IMMP1L: variants seen among roughly 807,000 people sequenced by gnomAD.
IMMP1L encodes the protein mitochondrial inner membrane protease subunit 1.
Under a neutral mutation model 21.8 loss-of-function variants are expected in IMMP1L, and 24 were observed. The ratio of observed to expected loss-of-function variants is 1.10; its 90% CI spans 0.80 to 1.55. The LOEUF (loss-of-function observed/expected upper bound fraction) is 1.55. Among genes scored for constraint, IMMP1L ranks in the 40% most tolerant of loss-of-function variants. The pLI is 0.00. For missense variants in IMMP1L, 195 were observed against 200.7 expected, an observed-to-expected ratio of 0.97 and a Z score of 0.17; for synonymous variants, 46 against 62.8, an observed-to-expected ratio of 0.73 and a Z score of 1.26.
At chr11:31,440,173 T>C (rs1953273096) in intron 4 of IMMP1L, among the ~76,000 whole-genome samples, 2 of 152,166 alleles carry the variant, frequency 1.3e-5, no homozygotes, top group East Asian at 1.9e-4. Flanking sequence ...TGTACTGTTA[T>C]CTGAAAACTG....
chr11:31,503,340 C>T (rs548340338), intron 1 of IMMP1L, among the ~76,000 whole-genome samples: 6 of 151,562 alleles, frequency 4.0e-5, no homozygotes, highest in South Asian at 2.1e-4. Flanking sequence ...TATAAGAAGG[C>T]GGAACAAACA....
intron 4 of IMMP1L, among the ~76,000 whole-genome samples, chr11:31,455,434 G>T (rs1023468606): frequency 6.6e-6 from 1 of 152,144 alleles, no homozygotes; most frequent in African/African-American, 2.4e-5. Context: ...CCATGTGACT[G>T]GTGAAAGGAG....
At chr11:31,446,761 C>T (rs1012738708) in intron 4 of IMMP1L, among the ~76,000 whole-genome samples, 1 of 152,156 alleles carries the variant, frequency 6.6e-6, no homozygotes, top group African/African-American at 2.4e-5. Flanking sequence ...CTGGAAAAAT[C>T]CCATCTAACC....
chr11:31,504,796 T>C (rs957774365), intron 1 of IMMP1L, among the ~76,000 whole-genome samples: 24 of 152,198 alleles, frequency 1.6e-4, no homozygotes, highest in African/African-American at 5.8e-4. Flanking sequence ...TGGAATCTAA[T>C]AGTGGATCTA....
intron 1 of IMMP1L, among the ~76,000 whole-genome samples, chr11:31,472,867 T>C (rs1224765856): frequency 1.3e-5 from 2 of 151,854 alleles, no homozygotes; most frequent in Admixed American, 1.3e-4. Context: ...TTTTTATTTA[T>C]TTATTTATTT....
chr11:31,436,051 C>T (rs111372639), intron 4 of IMMP1L, among the ~76,000 whole-genome samples: 1 of 152,046 alleles, frequency 6.6e-6, no homozygotes. Flanking sequence ...AATTTAATAT[C>T]CAGTGAATAG....
chr11:31,447,360 T>C (rs1953562398), intron 4 of IMMP1L, among the ~76,000 whole-genome samples: 1 of 152,176 alleles, frequency 6.6e-6, no homozygotes, highest in South Asian at 2.1e-4. Flanking sequence ...AGAAGTCCAT[T>C]ATCGGTCTCA....
In IMMP1L at chr11:31,463,202, A is replaced by T; in HGVS notation, c.75T>A (p.Cys25Ter). ...CAACACCACCAACGTATTCAAAAGC[A>T]CAATGAGCTATACAGCCATATTGAA... ...YTIQYGCIAH[C>*]AFEYVGGVVM... The change falls in exon 2 of 6, where the codon TGT (cysteine) becomes TGA (stop). Residue 25 changes from cysteine (C) to a stop codon, truncating the protein, a stop_gained. Coordinates refer to ENST00000532287, the MANE Select transcript of IMMP1L (RefSeq NM_001304274.2). LOFTEE classifies it high-confidence loss of function. 6.2e-7 allele frequency: 1 copy of T among 1,610,802 alleles called. No homozygotes were observed. Among genetic ancestry groups the T allele is most frequent in the Non-Finnish European group, 8.5e-7 (1 of 1,178,562 alleles).
intron 1 of IMMP1L, among the ~76,000 whole-genome samples, chr11:31,499,830 AC>A: frequency 6.6e-6 from 1 of 152,088 alleles, no homozygotes; most frequent in South Asian, 2.1e-4. Context: ...ATGTATGCCC[AC>A]CCCTAGCCAA....
At chr11:31,495,555 C>T (rs1394221559) in intron 1 of IMMP1L, among the ~76,000 whole-genome samples, 1 of 152,198 alleles carries the variant, frequency 6.6e-6, no homozygotes, top group Non-Finnish European at 1.5e-5. Context: ...AACTTACACT[C>T]ATGGCGAAAG....
At chr11:31,452,291 C>A (rs986055302) in intron 4 of IMMP1L, 1 of 983,488 alleles carries the variant, frequency 1.0e-6, no homozygotes, top group Non-Finnish European at 1.2e-6. Flanking sequence ...AAGCATAGTC[C>A]TGGATTATCA....
In IMMP1L at chr11:31,432,474, AATC is replaced by A. The variant is rs1351430312; in HGVS notation, c.*23_*25del. On this transcript the variant is annotated 3_prime_UTR_variant, in exon 6 of 6. Coordinates refer to ENST00000532287, the MANE Select transcript of IMMP1L (RefSeq NM_001304274.2). ...TAAATTCACATGAAAAGGAGACAATAATCAAGTCAAAAGAATAAATGCTTACTA... is the reference window on the plus strand; with the variant it reads ...TAAATTCACATGAAAAGGAGACAATAAAGTCAAAAGAATAAATGCTTACTA... 9 of 1,529,522 alleles carry A rather than the reference AATC, an allele frequency of 5.9e-6. No individual in the cohort carries two copies. The highest frequency in any genetic ancestry group is 2.2e-4 in the Middle Eastern group (1 of 4,548). The allele number at this position is 1,529,522 out of a possible 1,614,324, so 94.7% of individuals were successfully genotyped here.
In IMMP1L at chr11:31,507,202, C is replaced by T. The variant is rs547152514; in HGVS notation, c.-30+2317G>A. 2.0e-5 allele frequency among the ~76,000 whole-genome samples: 3 copies of T among 151,916 alleles called. No homozygotes were observed. The South Asian group carries it at 6.2e-4, about 32-fold the overall frequency. On this transcript the variant is annotated intron_variant, in intron 1 of 5. Transcript: ENST00000532287. ...GCTGAGGCAGGAGAATGGTGTGAAC[C>T]CAGGAAGGCACAGCTTGCAGTGAGC...
intron 1 of IMMP1L, among the ~76,000 whole-genome samples, chr11:31,484,581 T>G (rs1465242292): frequency 6.6e-6 from 1 of 151,948 alleles, no homozygotes; most frequent in Non-Finnish European, 1.5e-5. Flanking sequence ...TGAAAACTCC[T>G]ATACATATGT....
At chr11:31,468,312 C>T (rs1954430422) in intron 1 of IMMP1L, among the ~76,000 whole-genome samples, 1 of 152,134 alleles carries the variant, frequency 6.6e-6, no homozygotes, top group South Asian at 2.1e-4. Context: ...GAGAAAAATG[C>T]TATGACTGCA....
intron 1 of IMMP1L, among the ~76,000 whole-genome samples, chr11:31,468,561 A>G (rs1344859750): frequency 6.6e-6 from 1 of 152,014 alleles, no homozygotes; most frequent in Non-Finnish European, 1.5e-5. Flanking sequence ...ACACTTGGGG[A>G]AAAAAGGGTG....
At chr11:31,502,972 T>C (rs1955668935) in intron 1 of IMMP1L, among the ~76,000 whole-genome samples, 1 of 152,224 alleles carries the variant, frequency 6.6e-6, no homozygotes, top group Non-Finnish European at 1.5e-5. Flanking sequence ...CCTATTACAC[T>C]GCACATTCTA....
At chr11:31,437,357 C>G (rs1179980321) in intron 4 of IMMP1L, among the ~76,000 whole-genome samples, 3 of 152,120 alleles carry the variant, frequency 2.0e-5, no homozygotes, top group Non-Finnish European at 4.4e-5. Flanking sequence ...TGTGTTTTGA[C>G]TATGACTCGT....
chr11:31,488,990 G>A (rs991673301), intron 1 of IMMP1L, among the ~76,000 whole-genome samples: 5 of 152,010 alleles, frequency 3.3e-5, no homozygotes, highest in South Asian at 4.2e-4. Flanking sequence ...TCCACCTCCC[G>A]GGTTCACGCC....
Sources: gnomAD v4.1 joint callset for allele counts (sites outside exome capture counted in the v4.1 genomes callset) on GRCh38, gnomAD v4.1.1 for gene constraint, MANE v1.5 for transcripts, NCBI Gene and HGNC (gene_info 2026-07-23, HGNC 2026-07-21) for gene names.